Variants in ELF2 observed in about 807,000 individuals in gnomAD.
The protein encoded by ELF2 is ETS-related transcription factor Elf-2.
In ELF2, 11 loss-of-function variants were observed where a neutral mutation model predicts 54.8. The observed-to-expected ratio is 0.20, with a 90% CI of 0.13 to 0.33. The LOEUF (loss-of-function observed/expected upper bound fraction) is 0.33. ELF2 is among the 10% of genes least tolerant of loss of function. ELF2 has a pLI of 1.00. For missense variants in ELF2, 513 were observed against 703.0 expected (o/e 0.73, Z 3.06); for synonymous variants, 203 against 245.1 (o/e 0.83, Z 1.61).
rs76184839 is a variant in ELF2 at position 139,144,569 on chromosome 4, C to A, written c.-251-5072G>T. ...ACAGAAGTTGGGTGCTCTGGCATTG[C>A]CAGTGGATGAAAAGGGGCGTGGCCT... On this transcript the variant is annotated intron_variant, in intron 1 of 9. Transcript: ENST00000686138. Among the ~76,000 whole-genome samples the A allele has an allele frequency of 5.7e-3, 875 of 152,272 alleles. 11 individuals are homozygous for A. Among genetic ancestry groups the A allele is most frequent in the African/African-American group, 0.018 (753 of 41,562 alleles).
chr4:139,080,686 A>G (rs1381386016), intron 4 of ELF2, among the ~76,000 whole-genome samples: 1 of 152,176 alleles, frequency 6.6e-6, no homozygotes, highest in Non-Finnish European at 1.5e-5. Context: ...CAGAAAATCC[A>G]GACTGTTCAT....
At chr4:139,111,930 T>G (rs949259850) in intron 4 of ELF2, among the ~76,000 whole-genome samples, 5 of 152,192 alleles carry the variant, frequency 3.3e-5, no homozygotes, top group Non-Finnish European at 5.9e-5. Flanking sequence ...GAGTTCAGAC[T>G]TTAAGTAATT....
At chr4:139,064,786 A>C (rs983055297) in intron 7 of ELF2, among the ~76,000 whole-genome samples, 2 of 152,152 alleles carry the variant, frequency 1.3e-5, no homozygotes, top group Admixed American at 1.3e-4. Context: ...AGGCTGAGGC[A>C]GGAGAATCGC....
chr4:139,130,219 CA>C (rs1274266874), intron 3 of ELF2, among the ~76,000 whole-genome samples: 2 of 147,726 alleles, frequency 1.4e-5, no homozygotes, highest in East Asian at 3.9e-4. Flanking sequence ...TCCTAGCCCT[CA>C]AAAAAAAACA....
At chr4:139,102,361 A>G (rs1733972083) in intron 4 of ELF2, 1 of 150,274 alleles carries the variant, frequency 6.7e-6, no homozygotes, top group South Asian at 2.1e-4. Flanking sequence ...TCTCTACGAA[A>G]AAAAAAAAAA....
At chr4:139,155,327 A>G (rs1740417388) in intron 1 of ELF2, 2 of 152,328 alleles carry the variant, frequency 1.3e-5, no homozygotes, top group South Asian at 4.1e-4. Context: ...AAGAAGAGGT[A>G]AACCAGCTCA....
intron 3 of ELF2, among the ~76,000 whole-genome samples, chr4:139,135,568 A>G (rs1189570133): frequency 2.6e-5 from 4 of 152,202 alleles, no homozygotes; most frequent in South Asian, 4.1e-4. Flanking sequence ...ATTATTTTTC[A>G]TAACATTTCT....
chr4:139,156,646 CTGTTGTTGT>C (rs34209591), intron 1 of ELF2, among the ~76,000 whole-genome samples: 2 of 150,464 alleles, frequency 1.3e-5, no homozygotes. Flanking sequence ...GTTGTTGTTG[CTGTTGTTGT>C]TAAAGACAGA....
At chr4:139,115,828 G>C (rs1308976522) in intron 4 of ELF2, among the ~76,000 whole-genome samples, 51 of 152,044 alleles carry the variant, frequency 3.4e-4, no homozygotes, top group Non-Finnish European at 1.5e-5. Flanking sequence ...ATAGTTTTTT[G>C]TTGTTGTTTT....
At chr4:139,070,975 G>C (rs527912357) in intron 6 of ELF2, among the ~76,000 whole-genome samples, 6 of 152,310 alleles carry the variant, frequency 3.9e-5, no homozygotes, top group Admixed American at 1.3e-4. Flanking sequence ...AGGAGAATTA[G>C]ATGAATACCT....
chr4:139,102,957 C>A (rs527633280), intron 4 of ELF2, among the ~76,000 whole-genome samples: 7 of 152,224 alleles, frequency 4.6e-5, no homozygotes, highest in African/African-American at 1.7e-4. Flanking sequence ...CAGCTCACTG[C>A]AGCCTTGACC....
intron 1 of ELF2, among the ~76,000 whole-genome samples, chr4:139,161,614 AT>A (rs1488334869): frequency 6.7e-6 from 1 of 148,510 alleles, no homozygotes; most frequent in African/African-American, 2.5e-5. Context: ...GCTTTGTCTA[AT>A]ATCTCAGTTC....
At chr4:139,092,146 G>A (rs1441176796) in intron 4 of ELF2, among the ~76,000 whole-genome samples, 1 of 151,582 alleles carries the variant, frequency 6.6e-6, no homozygotes, top group African/African-American at 2.4e-5. Flanking sequence ...TGGATCACCC[G>A]AGGTCAGGAG....
At chr4:139,077,267 C>T (rs1234970786) in intron 4 of ELF2, among the ~76,000 whole-genome samples, 1 of 152,186 alleles carries the variant, frequency 6.6e-6, no homozygotes, top group Non-Finnish European at 1.5e-5. Context: ...TTAATGAGCA[C>T]TTCGAGTGTC....
At chr4:139,134,608 AT>A (rs1196685430) in intron 3 of ELF2, among the ~76,000 whole-genome samples, 21 of 141,012 alleles carry the variant, frequency 1.5e-4, no homozygotes, top group East Asian at 1.4e-3. Context: ...ATTTTATTTT[AT>A]TTTATTTTAT....
At chr4:139,084,192 T>C in intron 4 of ELF2, 1 of 1,613,310 alleles carries the variant, frequency 6.2e-7, no homozygotes, top group Non-Finnish European at 8.5e-7. Flanking sequence ...CGTCGCCATG[T>C]TTATCCCGGG....
At chr4:139,114,704 G>C (rs1209281610) in intron 4 of ELF2, among the ~76,000 whole-genome samples, 8 of 135,858 alleles carry the variant, frequency 5.9e-5, no homozygotes, top group African/African-American at 2.2e-4. Context: ...CCCGCGCCAC[G>C]GAGTCAATAT....
At chr4:139,097,077 T>C (rs1291683928) in intron 4 of ELF2, among the ~76,000 whole-genome samples, 1 of 152,250 alleles carries the variant, frequency 6.6e-6, no homozygotes, top group Non-Finnish European at 1.5e-5. Context: ...TTTAGGTATA[T>C]GCTCATTATA....
intron 1 of ELF2, among the ~76,000 whole-genome samples, chr4:139,152,623 G>C (rs1740117921): frequency 6.6e-6 from 1 of 152,076 alleles, no homozygotes; most frequent in South Asian, 2.1e-4. Flanking sequence ...GAGCCACCAG[G>C]CAGAGCCTTG....
Sources: allele counts gnomAD v4.1 joint callset (sites outside exome capture counted in the v4.1 genomes callset), GRCh38; gene constraint gnomAD v4.1.1; transcripts MANE v1.5; gene names NCBI Gene and HGNC (gene_info 2026-07-23, HGNC 2026-07-21).